Variants in COL24A1 observed in about 807,000 individuals in gnomAD.
COL24A1 encodes collagen alpha-1(XXIV) chain.
COL24A1 carries 224 observed loss-of-function variants against 253.9 expected under a neutral mutation model. That is an observed-to-expected ratio of 0.88 (90% CI 0.79 to 0.99). The LOEUF (loss-of-function observed/expected upper bound fraction) is 0.99, where lower values mean the gene tolerates loss of function less well. Among genes scored for constraint, COL24A1 ranks in the 50% least tolerant of loss-of-function variants. The pLI, the probability that COL24A1 is intolerant of heterozygous loss-of-function variation, is 0.00. For synonymous variants in COL24A1, 685 were observed against 673.7 expected (o/e 1.02, Z -0.26); for missense variants, 2,131 against 2,068.5 (o/e 1.03, Z -0.59).
At chr1:86,111,559 C>G (rs941964048) in intron 5 of COL24A1, among the ~76,000 whole-genome samples, 2 of 152,184 alleles carry the variant, frequency 1.3e-5, no homozygotes, top group Non-Finnish European at 2.9e-5. Context: ...ATGGACCGAT[C>G]AGCAGGATGT....
chr1:85,875,907 CA>C (rs1436142643), intron 33 of COL24A1, among the ~76,000 whole-genome samples: 1 of 151,986 alleles, frequency 6.6e-6, no homozygotes, highest in African/African-American at 2.4e-5. Flanking sequence ...CTTGATGTTA[CA>C]ACTATTTTTG....
At position 86,126,562 on chromosome 1, in the gene COL24A1, T is replaced by G. The variant is rs549921736; in HGVS notation, c.122-348A>C. 6.0e-4 allele frequency among the ~76,000 whole-genome samples: 92 copies of G among 152,160 alleles called. 1 individual carries two copies. The highest frequency in any genetic ancestry group is 5.4e-3 in the Admixed American group (82 of 15,250). ...ATTATAGCTCACTGCAGCCTTGATA[T>G]CCGGGGCTCAAAGGATCCTCCCACC... On this transcript the variant is annotated intron_variant, in intron 2 of 59. Coordinates refer to ENST00000370571, the MANE Select transcript of COL24A1 (RefSeq NM_152890.7).
In COL24A1 at chr1:85,745,452, G is replaced by C. The variant is rs766723208; in HGVS notation, c.4492C>G (p.Leu1498Val). ...ACCAGATATGTTACCTCCATCTGTA[G>C]GGCAGTATTTGATTCAATCAAGGCT... ...IQALIESNTA[L>V]QMESYQNTEV... The change falls in exon 56 of 60, where the codon CTA (leucine) becomes GTA (valine). Residue 1498 changes from leucine to valine, a missense_variant. By Grantham distance (32) the Leu-to-Val change is conservative. Coordinates refer to ENST00000370571, the MANE Select transcript of COL24A1 (RefSeq NM_152890.7). The C allele has an allele frequency of 7.5e-6, 12 of 1,606,840 alleles. No individual in the cohort carries two copies. The highest frequency in any genetic ancestry group is 1.7e-4 in the Middle Eastern group (1 of 6,056).
intron 12 of COL24A1, among the ~76,000 whole-genome samples, chr1:86,036,858 T>C (rs770969267): frequency 4.6e-5 from 7 of 152,328 alleles, no homozygotes; most frequent in Non-Finnish European, 8.8e-5. Flanking sequence ...ATTATTATCA[T>C]TAATTTAAAT....
chr1:85,978,180 G>A (rs552595063), intron 20 of COL24A1, among the ~76,000 whole-genome samples: 1 of 152,224 alleles, frequency 6.6e-6, no homozygotes, highest in Admixed American at 6.5e-5. Context: ...AACGTGTGAA[G>A]AGCATTCACC....
rs1691429172 is a variant in COL24A1 at position 85,965,046 on chromosome 1, T to G, written c.2480A>C (p.Lys827Thr). Residue 827 changes from lysine to threonine, a missense_variant, in exon 23 of 60, where the codon AAG (lysine) becomes ACG (threonine). Lys to Thr is a moderately conservative substitution (Grantham distance 78, BLOSUM62 -1). Coordinates refer to ENST00000370571, the MANE Select transcript of COL24A1 (RefSeq NM_152890.7). ...TGGTCCTGGTTCACCTGCATACCCC[T>G]TTTGACCTGGTTTTCCCTAGAAGAG... ...ELGPRGKPGQ[K>T]GYAGEPGPEG... The G allele has an allele frequency of 6.2e-7, 1 of 1,609,820 alleles. No homozygotes were observed. Among genetic ancestry groups the G allele is most frequent in the Non-Finnish European group, 8.5e-7 (1 of 1,177,546 alleles).
intron 47 of COL24A1, among the ~76,000 whole-genome samples, chr1:85,815,796 A>G (rs1190136513): frequency 1.3e-5 from 2 of 152,176 alleles, no homozygotes; most frequent in Admixed American, 6.6e-5. Context: ...TGTATTCTTA[A>G]AAGTGTGTGG....
intron 22 of COL24A1, among the ~76,000 whole-genome samples, chr1:85,969,723 C>T (rs1691955802): frequency 6.9e-6 from 1 of 144,464 alleles, no homozygotes. Context: ...AAATGTAACA[C>T]ATATACCTTA....
chr1:85,997,773 A>G (rs1220543833), intron 19 of COL24A1, among the ~76,000 whole-genome samples: 1 of 152,024 alleles, frequency 6.6e-6, no homozygotes, highest in Non-Finnish European at 1.5e-5. Flanking sequence ...GAAAAAAAAA[A>G]AAAAAGATGA....
intron 47 of COL24A1, among the ~76,000 whole-genome samples, chr1:85,792,838 T>A (rs1670434931): frequency 6.6e-6 from 1 of 152,084 alleles, no homozygotes; most frequent in Admixed American, 6.6e-5. Context: ...GTAATGTAAA[T>A]ACCTGAGAGG....
chr1:85,791,184 CA>C (rs375117920), intron 47 of COL24A1, among the ~76,000 whole-genome samples: 5 of 152,242 alleles, frequency 3.3e-5, no homozygotes, highest in African/African-American at 1.2e-4. Context: ...TCCCTACCAG[CA>C]CGGCCTGTTG....
At chr1:86,075,670 C>A (rs1417496855) in intron 7 of COL24A1, among the ~76,000 whole-genome samples, 1 of 152,126 alleles carries the variant, frequency 6.6e-6, no homozygotes, top group Non-Finnish European at 1.5e-5. Flanking sequence ...CTGAATCCAG[C>A]AGCACATCAA....
chr1:86,154,019 T>C (rs554592962), intron 1 of COL24A1: 70 of 152,206 alleles, frequency 4.6e-4, no homozygotes, highest in African/African-American at 1.6e-3. Flanking sequence ...TAAAAAGCGC[T>C]CCCTCTCTTA....
At position 85,840,357 on chromosome 1, in the gene COL24A1, T is replaced by A. The variant is rs369838482; in HGVS notation, c.3627+865A>T. Reference sequence around the variant, plus strand: ...AAACTTACATATTCCTTTAGATACCTATATATCTATTGCCTCTATATGAGA... The same window carrying A: ...AAACTTACATATTCCTTTAGATACCAATATATCTATTGCCTCTATATGAGA... On this transcript the variant is annotated intron_variant, in intron 42 of 59. Transcript: ENST00000370571. 7.9e-5 allele frequency among the ~76,000 whole-genome samples: 12 copies of A among 152,282 alleles called. No individual in the cohort carries two copies. In the East Asian group the frequency reaches 2.3e-3, roughly 29 times the overall value.
chr1:85,897,239 T>C (rs1177755674), intron 28 of COL24A1, among the ~76,000 whole-genome samples: 1 of 152,002 alleles, frequency 6.6e-6, no homozygotes, highest in Non-Finnish European at 1.5e-5. Context: ...CAACACACAC[T>C]GGGGCCTGTC....
At chr1:85,963,979 A>G (rs958703831) in intron 23 of COL24A1, among the ~76,000 whole-genome samples, 4 of 151,830 alleles carry the variant, frequency 2.6e-5, no homozygotes, top group Admixed American at 6.6e-5. Context: ...AGAGTCAGGT[A>G]CACATATTCT....
intron 43 of COL24A1, among the ~76,000 whole-genome samples, chr1:85,831,224 T>C (rs7527665): frequency 0.023 from 3,450 of 152,064 alleles, 144 homozygotes; most frequent in African/African-American, 0.078. Context: ...GTGGTACAAG[T>C]AAATGTGACT....
At chr1:86,073,241 G>A (rs184732498) in intron 7 of COL24A1, among the ~76,000 whole-genome samples, 15 of 152,282 alleles carry the variant, frequency 9.9e-5, no homozygotes, top group Admixed American at 8.5e-4. Flanking sequence ...AAGGTTAGAG[G>A]AATTGCTAAC....
intron 5 of COL24A1, among the ~76,000 whole-genome samples, chr1:86,105,033 T>TACATGTTC (rs2102075383): frequency 6.6e-6 from 1 of 152,272 alleles, no homozygotes; most frequent in African/African-American, 2.4e-5. Flanking sequence ...GTGCCCTCCG[T>TACATGTTC]ACATGTTCAC....
Sources: allele counts gnomAD v4.1 joint callset (sites outside exome capture counted in the v4.1 genomes callset), GRCh38; gene constraint gnomAD v4.1.1; transcripts MANE v1.5; gene names NCBI Gene and HGNC (gene_info 2026-07-23, HGNC 2026-07-21).